TACC1: variants seen among roughly 807,000 people sequenced by gnomAD.
The protein encoded by TACC1 is transforming acidic coiled-coil-containing protein 1.
Under a neutral mutation model 84.4 loss-of-function variants are expected in TACC1, and 48 were observed. The ratio of observed to expected loss-of-function variants is 0.57; its 90% CI spans 0.45 to 0.72. The LOEUF (loss-of-function observed/expected upper bound fraction) is 0.72. Ranked by LOEUF, TACC1 falls within the 30% of genes least tolerant of loss-of-function variation. TACC1 has a pLI of 0.00. For missense variants in TACC1, 920 were observed against 973.0 expected, an observed-to-expected ratio of 0.95 and a Z score of 0.72; for synonymous variants, 372 against 376.3, an observed-to-expected ratio of 0.99 and a Z score of 0.13.
intron 10 of TACC1, 120 bp from the exon 11 acceptor site, chr8:38,843,169 G>C: frequency 3.1e-6 from 2 of 637,404 alleles, no homozygotes. Flanking sequence ...TGCAGAGTAT[G>C]AATAAAAGCC....
chr8:38,771,758 C>T (rs1813659462), intron 3 of TACC1, among the ~76,000 whole-genome samples: 1 of 152,176 alleles, frequency 6.6e-6, no homozygotes. Context: ...ATGTTTGAGA[C>T]AGGGCCTTGC....
intron 2 of TACC1, among the ~76,000 whole-genome samples, chr8:38,808,045 C>T (rs944255432): frequency 1.3e-5 from 2 of 152,186 alleles, no homozygotes; most frequent in Non-Finnish European, 2.9e-5. Flanking sequence ...AAATTTTGGT[C>T]TATTTGTGGA....
intron 2 of TACC1, among the ~76,000 whole-genome samples, chr8:38,796,292 C>CT (rs1819957438): frequency 6.6e-6 from 1 of 152,172 alleles, no homozygotes; most frequent in Non-Finnish European, 1.5e-5. Flanking sequence ...ATCCAGAGCT[C>CT]TTTGGAACAT....
At chr8:38,747,955 AG>A (rs1418280330) in intron 3 of TACC1, among the ~76,000 whole-genome samples, 5 of 152,048 alleles carry the variant, frequency 3.3e-5, no homozygotes, top group Non-Finnish European at 7.4e-5. Flanking sequence ...GTGTAGGGGT[AG>A]GGGGTGTGTG....
intron 3 of TACC1, among the ~76,000 whole-genome samples, chr8:38,756,228 T>G (rs925926445): frequency 3.3e-5 from 5 of 152,056 alleles, no homozygotes; most frequent in Non-Finnish European, 7.4e-5. Flanking sequence ...CCTGCATCCA[T>G]CACCAATTGT....
At chr8:38,732,226 G>A (rs1484904653) in intron 1 of TACC1, among the ~76,000 whole-genome samples, 2 of 151,796 alleles carry the variant, frequency 1.3e-5, no homozygotes, top group Non-Finnish European at 2.9e-5. Flanking sequence ...AATGGTATAA[G>A]TGTAATTTAT....
At chr8:38,846,074 C>CGAGGTCAG (rs1445004911) in intron 11 of TACC1, 1 of 151,268 alleles carries the variant, frequency 6.6e-6, no homozygotes, top group Admixed American at 6.6e-5. Flanking sequence ...GGGTGGATCA[C>CGAGGTCAG]GAGGTCAGGA....
At chr8:38,836,367 G>C in intron 7 of TACC1, 80 bp downstream of exon 7, 5 of 1,555,434 alleles carry the variant, frequency 3.2e-6, no homozygotes, top group Non-Finnish European at 3.5e-6. Flanking sequence ...TTGCATCTCT[G>C]CTGGCTCAAG....
At chr8:38,820,840 G>A (rs1306761728) in intron 3 of TACC1, among the ~76,000 whole-genome samples, 2 of 152,090 alleles carry the variant, frequency 1.3e-5, no homozygotes, top group African/African-American at 2.4e-5. Context: ...TTTTCAGATT[G>A]TTGTCTTTTT....
At chr8:38,730,333 C>T (rs1422352375) in intron 1 of TACC1, among the ~76,000 whole-genome samples, 3 of 152,224 alleles carry the variant, frequency 2.0e-5, no homozygotes, top group East Asian at 1.9e-4. Context: ...GGCAGAGCCC[C>T]GGAGAGCTGA....
chr8:38,758,576 G>C (rs1188801301), intron 3 of TACC1, among the ~76,000 whole-genome samples: 1 of 151,252 alleles, frequency 6.6e-6, no homozygotes, highest in Non-Finnish European at 1.5e-5. Context: ...CTACTTGGGA[G>C]GCTGAGGCAG....
chr8:38,772,370 G>T (rs531396626), intron 3 of TACC1, among the ~76,000 whole-genome samples: 2 of 152,340 alleles, frequency 1.3e-5, no homozygotes, highest in South Asian at 2.1e-4. Flanking sequence ...TCTAAGAAAA[G>T]ATAAGTGTGT....
intron 3 of TACC1, among the ~76,000 whole-genome samples, chr8:38,755,752 C>CG (rs1563279176): frequency 0.028 from 2,562 of 93,118 alleles, 76 homozygotes; most frequent in African/African-American, 0.085. Context: ...ACAACAACAA[C>CG]AGAGTGTTCC....
chr8:38,742,481 C>G, intron 2 of TACC1: 1 of 1,486,516 alleles, frequency 6.7e-7, no homozygotes, highest in Non-Finnish European at 9.0e-7. Context: ...TTGAATATAC[C>G]TGGGATGGAT....
intron 3 of TACC1, among the ~76,000 whole-genome samples, chr8:38,751,670 A>T (rs907729817): frequency 2.6e-5 from 4 of 152,146 alleles, no homozygotes; most frequent in Non-Finnish European, 4.4e-5. Flanking sequence ...CATTTTTTGG[A>T]CATAATGCTA....
chr8:38,776,867 C>T (rs1305596716), intron 3 of TACC1, among the ~76,000 whole-genome samples: 2 of 152,126 alleles, frequency 1.3e-5, no homozygotes, highest in Non-Finnish European at 2.9e-5. Flanking sequence ...TCTAAGGAAG[C>T]TTAGATGCTG....
intron 2 of TACC1, among the ~76,000 whole-genome samples, chr8:38,815,961 A>T (rs1046305517): frequency 2.2e-5 from 3 of 135,308 alleles, no homozygotes; most frequent in South Asian, 2.4e-4. Context: ...GACCATGTTT[A>T]AAAAAAAAAA....
At chr8:38,748,969 G>A (rs533848585) in intron 3 of TACC1, among the ~76,000 whole-genome samples, 1 of 149,742 alleles carries the variant, frequency 6.7e-6, no homozygotes, top group Non-Finnish European at 1.5e-5. Context: ...ATTAGAGAAC[G>A]AAAAAAAGAG....
chr8:38,835,630 G>A (rs996539705), intron 6 of TACC1, among the ~76,000 whole-genome samples: 1 of 152,244 alleles, frequency 6.6e-6, no homozygotes, highest in Non-Finnish European at 1.5e-5. Flanking sequence ...GTGAAAGGGT[G>A]GGGGTGAGAG....
Sources: gnomAD v4.1 joint callset for allele counts (sites outside exome capture counted in the v4.1 genomes callset) on GRCh38, gnomAD v4.1.1 for gene constraint, MANE v1.5 for transcripts, NCBI Gene and HGNC (gene_info 2026-07-23, HGNC 2026-07-21) for gene names.